ACBD5: variants seen among roughly 807,000 people sequenced by gnomAD.
ACBD5 encodes acyl-CoA binding domain containing 5.
Under a neutral mutation model 71.8 loss-of-function variants are expected in ACBD5, and 40 were observed. The ratio of observed to expected loss-of-function variants is 0.56; its 90% confidence interval spans 0.43 to 0.72. The LOEUF is 0.72. ACBD5 is among the 30% of genes least tolerant of loss of function. The probability of loss-of-function intolerance (pLI) is 0.00; values close to 1 mark genes in which losing one functional copy is unlikely to be tolerated. For missense variants in ACBD5, 559 were observed against 644.5 expected, an observed-to-expected ratio of 0.87 and a Z score of 1.44; for synonymous variants, 229 against 218.6, an observed-to-expected ratio of 1.05 and a Z score of -0.42.
intron 2 of ACBD5, among the ~76,000 whole-genome samples, chr10:27,235,973 G>T (rs1361526307): frequency 6.6e-6 from 1 of 151,992 alleles, no homozygotes; most frequent in East Asian, 1.9e-4. Flanking sequence ...AATTAGCTGG[G>T]TGTGATGGCA....
intron 3 of ACBD5, among the ~76,000 whole-genome samples, chr10:27,233,520 C>G (rs551750250): frequency 6.6e-6 from 1 of 151,786 alleles, no homozygotes; most frequent in South Asian, 2.1e-4. Flanking sequence ...GAATTTGAGA[C>G]CAGCCTGGGC....
chr10:27,196,733 C>T lies in ACBD5; in HGVS notation c.*697G>A, dbSNP rs1483414767. ...TACAGGCTCAGAATACACTTTTAAA[C>T]CTACATGAAGCTCATTCTTCACCAT... is the stretch of plus-strand genomic sequence containing the variant. On this transcript the variant is annotated 3_prime_UTR_variant, in exon 13 of 13. Transcript: ENST00000396271. The T allele has an allele frequency of 2.2e-6, 1 of 454,334 alleles. No homozygotes were observed. The highest frequency in any genetic ancestry group is 4.4e-6 in the Non-Finnish European group (1 of 226,764). The allele number at this position is 454,334 out of a possible 1,614,324, so 28.1% of individuals were successfully genotyped here.
chr10:27,185,359 G>A (rs1557170), intron 13 of ACBD5, among the ~76,000 whole-genome samples: 91,723 of 151,862 alleles, frequency 0.6, 27,983 homozygotes, highest in Non-Finnish European at 0.65. Context: ...CAGGGTGGGC[G>A]CGGTGGCTCA....
At chr10:27,186,726 C>T (rs991185126) in intron 13 of ACBD5, 1 of 600,886 alleles carries the variant, frequency 1.7e-6, no homozygotes, top group African/African-American at 1.9e-5. Flanking sequence ...TTTATCTTAA[C>T]CTCAAAACTG....
At chr10:27,231,311 G>A (rs774751251) in intron 4 of ACBD5, among the ~76,000 whole-genome samples, 1 of 152,150 alleles carries the variant, frequency 6.6e-6, no homozygotes, top group Non-Finnish European at 1.5e-5. Context: ...GAGGTCAGAA[G>A]TTCAAGACCA....
chr10:27,227,451 T>A (rs2137890250), intron 4 of ACBD5, among the ~76,000 whole-genome samples: 1 of 152,306 alleles, frequency 6.6e-6, no homozygotes, highest in East Asian at 1.9e-4. Context: ...ATGGAATCAC[T>A]AACTCAGTCT....
In ACBD5 at chr10:27,210,859, G is replaced by A. The variant is rs1378493924; in HGVS notation, c.1159C>T (p.Arg387Ter). Residue 387 changes from arginine (R) to a stop codon, truncating the protein, a stop_gained, in exon 9 of 13, where the codon CGA (arginine) becomes TGA (stop). Transcript: ENST00000396271. LOFTEE classifies it high-confidence loss of function. ...NNSGAPHREK[R>*]GGETDEFSNV... ...GAGAATTCGTCAGTTTCTCCGCCTC[G>A]CTTCTCCCGGTGTGGTGCTCCGCTG... The A allele has an allele frequency of 3.7e-6, 6 of 1,614,134 alleles. No homozygotes were observed. The highest frequency in any genetic ancestry group is 4.5e-5 in the East Asian group (2 of 44,888).
At chr10:27,241,792 C>T (rs1281756351), upstream of ACBD5, among the ~76,000 whole-genome samples, 3 of 152,108 alleles carry the variant, frequency 2.0e-5, no homozygotes, top group South Asian at 2.1e-4. Flanking sequence ...GGGTCGTCAA[C>T]CCTAGAAAGG....
chr10:27,202,884 T>C (rs12241100), intron 12 of ACBD5, among the ~76,000 whole-genome samples: 14,526 of 151,110 alleles, frequency 0.096, 2,254 homozygotes, highest in African/African-American at 0.33. Flanking sequence ...TAAAACACTG[T>C]AGAGCACTAA....
rs531099062 is a variant in ACBD5, at chr10:27,208,933, T to C, written c.1205-488A>G. On this transcript the variant is annotated intron_variant, in intron 9 of 12. Coordinates refer to ENST00000396271, the MANE Select transcript of ACBD5 (RefSeq NM_145698.5). The stretch of plus-strand genomic sequence containing the variant: ...TCAAAGAAATTGATTTGTAAACTTC[T>C]ATTCATATTGATATATTCTAAAATT... 2.0e-4 allele frequency among the ~76,000 whole-genome samples: 30 copies of C among 152,328 alleles called. No individual in the cohort carries two copies. The South Asian group carries it at 6.2e-3, about 32-fold the overall frequency.
chr10:27,190,456 C>G (rs961282868), downstream of ACBD5, among the ~76,000 whole-genome samples: 6 of 152,022 alleles, frequency 3.9e-5, no homozygotes, highest in African/African-American at 1.4e-4. Flanking sequence ...TTATTTGAAC[C>G]CTAAGTACCC....
intron 5 of ACBD5, 133 bp downstream of exon 5, chr10:27,223,205 A>G: frequency 1.3e-6 from 1 of 748,488 alleles, no homozygotes; most frequent in Non-Finnish European, 2.4e-6. Flanking sequence ...CATGATTCCT[A>G]CCTTCTAAAC....
At chr10:27,226,449 T>TACAC (rs66967226) in intron 4 of ACBD5, among the ~76,000 whole-genome samples, 3,779 of 134,958 alleles carry the variant, frequency 0.028, 156 homozygotes, top group Admixed American at 0.089. Flanking sequence ...AGATACAGAC[T>TACAC]ACACACACAC....
At chr10:27,216,437 A>G (rs914852769) in intron 7 of ACBD5, among the ~76,000 whole-genome samples, 12 of 151,814 alleles carry the variant, frequency 7.9e-5, no homozygotes, top group Non-Finnish European at 1.3e-4. Context: ...CACCGCACTC[A>G]GCCAACTTTT....
At chr10:27,209,277 G>C (rs1359365043) in intron 9 of ACBD5, among the ~76,000 whole-genome samples, 2 of 151,950 alleles carry the variant, frequency 1.3e-5, no homozygotes, top group Non-Finnish European at 2.9e-5. Context: ...AGCTACGTTT[G>C]CCTTTTTGGT....
chr10:27,215,260 G>A (rs1382560793), intron 8 of ACBD5, among the ~76,000 whole-genome samples: 1 of 151,976 alleles, frequency 6.6e-6, no homozygotes, highest in Non-Finnish European at 1.5e-5. Flanking sequence ...TGTTTTCTCT[G>A]CATCCCCATC....
intron 3 of ACBD5, among the ~76,000 whole-genome samples, chr10:27,232,743 A>G (rs1030257712): frequency 6.6e-6 from 1 of 152,190 alleles, no homozygotes; most frequent in African/African-American, 2.4e-5. Context: ...AGGATACTGA[A>G]AATGTGAGAG....
chr10:27,219,234 G>A (rs1175041993), intron 6 of ACBD5, among the ~76,000 whole-genome samples: 1 of 151,990 alleles, frequency 6.6e-6, no homozygotes, highest in Non-Finnish European at 1.5e-5. Context: ...GCTGCAGAGG[G>A]CGGCAGAGGC....
intron 8 of ACBD5, 31 bp from the exon 9 acceptor site, chr10:27,211,112 G>C (rs1232024224): frequency 2.5e-6 from 4 of 1,611,750 alleles, no homozygotes; most frequent in South Asian, 1.1e-5. Flanking sequence ...TTAGTTAAAA[G>C]CTAGAAATGT....
Sources: allele counts gnomAD v4.1 joint callset (sites outside exome capture counted in the v4.1 genomes callset), GRCh38; gene constraint gnomAD v4.1.1; transcripts MANE v1.5; gene names NCBI Gene and HGNC (gene_info 2026-07-23, HGNC 2026-07-21).